The following ESYT3 variants were observed in gnomAD, a reference collection of about 807,000 sequenced individuals.
The protein encoded by ESYT3 is extended synaptotagmin-3.
Under a neutral mutation model 111.5 loss-of-function variants are expected in ESYT3, and 101 were observed. The ratio of observed to expected loss-of-function variants is 0.91; its 90% CI spans 0.77 to 1.07. The LOEUF (loss-of-function observed/expected upper bound fraction) is 1.07, where lower values mean the gene tolerates loss of function less well. ESYT3 is among the 50% of genes least tolerant of loss of function. The pLI is 0.00. For missense variants in ESYT3, 1,097 were observed against 1,109.4 expected, an observed-to-expected ratio of 0.99 and a Z score of 0.16; for synonymous variants, 416 against 446.8, an observed-to-expected ratio of 0.93 and a Z score of 0.87.
At chr3:138,455,105 G>T in intron 2 of ESYT3, 89 bp from the exon 3 acceptor site, 1 of 1,503,758 alleles carries the variant, frequency 6.7e-7, no homozygotes, top group Non-Finnish European at 9.1e-7. Flanking sequence ...AGACCAGGCT[G>T]CAGAGAATCA....
chr3:138,455,693 C>A (rs2032234166), intron 3 of ESYT3, among the ~76,000 whole-genome samples: 1 of 152,224 alleles, frequency 6.6e-6, no homozygotes, highest in South Asian at 2.1e-4. Context: ...AGCCGGTGAA[C>A]ACACGCTCAC....
chr3:138,449,080 TTC>T (rs1380738965), intron 1 of ESYT3, among the ~76,000 whole-genome samples: 1 of 144,226 alleles, frequency 6.9e-6, no homozygotes, highest in African/African-American at 2.8e-5. Context: ...CACTTTCTTT[TTC>T]TTTTTTTTTT....
At position 138,472,699 on chromosome 3, in the gene ESYT3, C is replaced by G; in HGVS notation, c.2077C>G (p.Pro693Ala). The change falls in exon 18 of 23, where the codon CCA (proline) becomes GCA (alanine). Residue 693 changes from proline (P) to alanine (A), a missense_variant. Physicochemically the swap from Pro to Ala is conservative, Grantham distance 27 (BLOSUM62 -1). Coordinates refer to ENST00000389567, the MANE Select transcript of ESYT3 (RefSeq NM_031913.5). ...KSPATIFLTV[P>A]GPHSPGPIKS... ...TCCAGCCACCATCTTCCTGACTGTC[C>G]CAGGTCCCCACTCTCCAGGGCCCAT... The G allele has an allele frequency of 6.2e-7, 1 of 1,614,190 alleles. No individual in the cohort carries two copies. Among genetic ancestry groups the G allele is most frequent in the South Asian group, 1.1e-5 (1 of 91,078 alleles).
chr3:138,442,035 A>G (rs1448539155), intron 1 of ESYT3, among the ~76,000 whole-genome samples: 1 of 152,156 alleles, frequency 6.6e-6, no homozygotes, highest in African/African-American at 2.4e-5. Context: ...GGATGTTTCA[A>G]GACCCCAGAA....
intron 17 of ESYT3, 108 bp downstream of exon 17, chr3:138,471,134 G>A: frequency 2.3e-6 from 2 of 866,754 alleles, no homozygotes; most frequent in Non-Finnish European, 1.8e-6. Context: ...AAGAAGCCAG[G>A]AGATGGATTC....
At chr3:138,459,109 C>T in intron 4 of ESYT3, 78 bp from the exon 5 acceptor site, 1 of 1,231,702 alleles carries the variant, frequency 8.1e-7, no homozygotes, top group Non-Finnish European at 1.1e-6. Context: ...CTGTGTGACA[C>T]TGGGCAAGTT....
Position 138,477,091 on chromosome 3 carries a change from C to T in ESYT3, c.*237C>T, listed in dbSNP as rs1221375553. 2 of 404,776 alleles carry T rather than the reference C, an allele frequency of 4.9e-6. No individual in the cohort carries two copies. The highest frequency in any genetic ancestry group is 8.8e-6 in the Non-Finnish European group (2 of 227,696). The allele number at this position is 404,776 out of a possible 1,614,324, so 25.1% of individuals were successfully genotyped here. On this transcript the variant is annotated 3_prime_UTR_variant, in exon 23 of 23. Transcript: ENST00000389567. ...TTTGGTTGGATTTTTTTGTTCAAGTCCAGAAAGAAATGTTATATTTGTGCC... is the reference window on the plus strand; with the variant it reads ...TTTGGTTGGATTTTTTTGTTCAAGTTCAGAAAGAAATGTTATATTTGTGCC...
chr3:138,476,928 T>A lies in ESYT3; in HGVS notation c.*74T>A. On this transcript the variant is annotated 3_prime_UTR_variant, in exon 23 of 23. Coordinates refer to ENST00000389567, the MANE Select transcript of ESYT3 (RefSeq NM_031913.5). ...TATATATTTTTTCCTTTGGATCACT[T>A]ACATCCAATATATGTATATTTTGTC... is the stretch of plus-strand genomic sequence containing the variant. The A allele has an allele frequency of 1.8e-6, 2 of 1,126,978 alleles. No homozygotes were observed. Among genetic ancestry groups the A allele is most frequent in the East Asian group, 2.6e-5 (1 of 38,008 alleles). The allele number at this position is 1,126,978 out of a possible 1,614,324, so 69.8% of individuals were successfully genotyped here.
chr3:138,460,850 G>A (rs575017882), intron 7 of ESYT3, among the ~76,000 whole-genome samples, 184 bp downstream of exon 7: 3 of 152,282 alleles, frequency 2.0e-5, no homozygotes, highest in Non-Finnish European at 2.9e-5. Flanking sequence ...GGTGGGCACT[G>A]TGCCCAGCAC....
intron 17 of ESYT3, among the ~76,000 whole-genome samples, chr3:138,471,252 T>A (rs1464831790): frequency 2.0e-5 from 3 of 152,244 alleles, no homozygotes; most frequent in Non-Finnish European, 4.4e-5. Context: ...TTCCTCTCTC[T>A]AGAATTTTCT....
intron 1 of ESYT3, among the ~76,000 whole-genome samples, chr3:138,438,034 C>T (rs927572471): frequency 6.6e-6 from 1 of 152,198 alleles, no homozygotes; most frequent in South Asian, 2.1e-4. Context: ...GAATATTCTT[C>T]TCTCTGCCTC....
intron 20 of ESYT3, 121 bp from the exon 21 acceptor site, chr3:138,476,102 C>T (rs2033468134): frequency 1.5e-6 from 1 of 666,808 alleles, no homozygotes; most frequent in Non-Finnish European, 2.7e-6. Flanking sequence ...GCCAGTCCTG[C>T]TCTAGGTGCT....
chr3:138,451,027 T>C (rs1466254455), intron 1 of ESYT3, among the ~76,000 whole-genome samples: 1 of 152,228 alleles, frequency 6.6e-6, no homozygotes, highest in Non-Finnish European at 1.5e-5. Context: ...ATGTCCACGC[T>C]TACTCCTCTG....
Position 138,447,358 on chromosome 3 carries a change from AAAC to A in ESYT3, c.328-4688_328-4686del, listed in dbSNP as rs200779125. Among the ~76,000 whole-genome samples the A allele has an allele frequency of 8.9e-3, 1,349 of 152,332 alleles. 8 individuals carry two copies. The highest frequency in any genetic ancestry group is 0.013 in the Non-Finnish European group (903 of 68,034). ...ACAAAGAAATAAAATTATTATTAGA[AAAC>A]AGCAAAAATATATACCTATTGAAAT... On this transcript the variant is annotated intron_variant, in intron 1 of 22. Coordinates refer to ENST00000389567, the MANE Select transcript of ESYT3 (RefSeq NM_031913.5).
chr3:138,457,484 C>G, intron 3 of ESYT3, 84 bp from the exon 4 acceptor site: 1 of 1,232,070 alleles, frequency 8.1e-7, no homozygotes, highest in South Asian at 1.2e-5. Context: ...TCGTTGCTGA[C>G]AAAGCCCAGT....
rs761602771 is a variant in ESYT3, at chr3:138,472,457, A to T, written c.1835A>T (p.Asn612Ile). ...GPLLIKKVATNQGPKAQPQEE... is the reference protein window; with the variant it reads ...GPLLIKKVATIQGPKAQPQEE... Reference sequence around the variant, plus strand: ...CTGCTCATCAAGAAAGTGGCTACCAACCAGGGTCCCAAAGCCCAACCTCAG... The same window carrying T: ...CTGCTCATCAAGAAAGTGGCTACCATCCAGGGTCCCAAAGCCCAACCTCAG... The change falls in exon 18 of 23, where the codon AAC (asparagine) becomes ATC (isoleucine). Residue 612 changes from asparagine (N) to isoleucine (I), a missense_variant. Physicochemically the swap from Asn to Ile is moderately radical, Grantham distance 149 (BLOSUM62 -3). Transcript: ENST00000389567. The T allele has an allele frequency of 9.3e-5, 150 of 1,614,076 alleles. No individual in the cohort carries two copies. Among genetic ancestry groups the T allele is most frequent in the Non-Finnish European group, 1.2e-4 (144 of 1,180,044 alleles).
chr3:138,438,540 G>A (rs1366147581), intron 1 of ESYT3, among the ~76,000 whole-genome samples: 1 of 152,186 alleles, frequency 6.6e-6, no homozygotes, highest in Non-Finnish European at 1.5e-5. Context: ...TGCCATCCAA[G>A]GCAGCCATCG....
At chr3:138,465,512 C>T in intron 10 of ESYT3, 91 bp downstream of exon 10, 1 of 991,586 alleles carries the variant, frequency 1.0e-6, no homozygotes, top group South Asian at 1.5e-5. Flanking sequence ...CACTTAATGA[C>T]TAGCAACCCG....
intron 19 of ESYT3, 151 bp from the exon 20 acceptor site, chr3:138,474,070 C>A: frequency 9.8e-7 from 1 of 1,019,492 alleles, no homozygotes; most frequent in Non-Finnish European, 1.4e-6. Context: ...CATTTTTATC[C>A]TTAAGCGTAT....
Sources: gnomAD v4.1 joint callset for allele counts (sites outside exome capture counted in the v4.1 genomes callset) on GRCh38, gnomAD v4.1.1 for gene constraint, MANE v1.5 for transcripts, NCBI Gene and HGNC (gene_info 2026-07-23, HGNC 2026-07-21) for gene names.